The following SPATA16 variants were observed in gnomAD, a reference collection of about 807,000 sequenced individuals.
The protein encoded by SPATA16 is spermatogenesis-associated protein 16.
SPATA16 carries 36 observed loss-of-function variants against 63.3 expected under a neutral mutation model. The ratio of observed to expected loss-of-function variants is 0.57; its 90% CI spans 0.44 to 0.75. SPATA16 has a LOEUF of 0.75. Among genes scored for constraint, SPATA16 ranks in the 30% least tolerant of loss-of-function variants. The pLI is 0.00. For synonymous variants in SPATA16, 203 were observed against 216.7 expected (o/e 0.94, Z 0.56); for missense variants, 646 against 679.3 (o/e 0.95, Z 0.54).
At chr3:172,992,959 T>C (rs1734612819) in intron 4 of SPATA16, among the ~76,000 whole-genome samples, 1 of 152,110 alleles carries the variant, frequency 6.6e-6, no homozygotes, top group Non-Finnish European at 1.5e-5. Context: ...TCAAAGACAA[T>C]CTTTTGAGCA....
At chr3:172,957,999 A>ACACT in intron 5 of SPATA16, among the ~76,000 whole-genome samples, 1 of 149,374 alleles carries the variant, frequency 6.7e-6, no homozygotes, top group South Asian at 2.1e-4. Context: ...GACTAGCTTA[A>ACACT]AATTATGTAA....
intron 2 of SPATA16, among the ~76,000 whole-genome samples, chr3:173,072,214 C>G (rs1330482469): frequency 6.6e-6 from 1 of 152,116 alleles, no homozygotes; most frequent in African/African-American, 2.4e-5. Flanking sequence ...ACATGTATGT[C>G]GTGGAATATA....
At chr3:172,917,866 C>G (rs1046167595) in intron 8 of SPATA16, among the ~76,000 whole-genome samples, 1 of 152,204 alleles carries the variant, frequency 6.6e-6, no homozygotes, top group Non-Finnish European at 1.5e-5. Context: ...AGGCCACACT[C>G]GTATTCTGAC....
chr3:172,944,082 A>G (rs1733224261), intron 6 of SPATA16, among the ~76,000 whole-genome samples: 1 of 152,160 alleles, frequency 6.6e-6, no homozygotes, highest in Non-Finnish European at 1.5e-5. Flanking sequence ...AACCTATAGA[A>G]TGGGAGGAAA....
In SPATA16 at chr3:173,102,558, A is replaced by G. The variant is rs559925861; in HGVS notation, c.612+14562T>C. Among the ~76,000 whole-genome samples the G allele has an allele frequency of 1.2e-4, 19 of 152,126 alleles. No homozygotes were observed. In the South Asian group the frequency reaches 2.9e-3, roughly 23 times the overall value. ...TAGGGGAAGGTGTCACAAACTTTTA[A>G]ACAACGAGATCTCATGAGAACTCAC... On this transcript the variant is annotated intron_variant, in intron 2 of 10. Transcript: ENST00000351008.
At chr3:172,969,332 G>A (rs553971881) in intron 5 of SPATA16, among the ~76,000 whole-genome samples, 2 of 152,264 alleles carry the variant, frequency 1.3e-5, no homozygotes, top group East Asian at 3.9e-4. Context: ...TGCATTGTCA[G>A]GTAGGCAGGA....
chr3:172,943,697 G>A (rs544902166), intron 6 of SPATA16, among the ~76,000 whole-genome samples: 108 of 152,098 alleles, frequency 7.1e-4, no homozygotes, highest in Non-Finnish European at 1.3e-3. Context: ...CCAAGATTGC[G>A]CCATTGCACT....
At chr3:172,889,804 A>G in intron 10 of SPATA16, 112 bp from the exon 11 acceptor site, 1 of 1,433,882 alleles carries the variant, frequency 7.0e-7, no homozygotes, top group Non-Finnish European at 9.5e-7. Context: ...TCCATGTTGG[A>G]ACAGAACTGG....
chr3:173,062,941 G>A (rs947086442), intron 2 of SPATA16, among the ~76,000 whole-genome samples: 4 of 152,320 alleles, frequency 2.6e-5, no homozygotes, highest in Non-Finnish European at 5.9e-5. Context: ...CCGCTGATCT[G>A]ACAGGAGGCA....
chr3:172,975,202 C>T (rs1390184190), intron 5 of SPATA16, among the ~76,000 whole-genome samples: 4 of 151,980 alleles, frequency 2.6e-5, no homozygotes, highest in Non-Finnish European at 5.9e-5. Flanking sequence ...CACATGTGAG[C>T]GTAAAAACAG....
At chr3:173,066,987 C>CAG (rs35008574) in intron 2 of SPATA16, among the ~76,000 whole-genome samples, 63,119 of 151,552 alleles carry the variant, frequency 0.42, 14,508 homozygotes, top group African/African-American at 0.63. Flanking sequence ...AGAAATTAAA[C>CAG]AAATTCTGGA....
At chr3:173,103,365 TG>T (rs1419612946) in intron 2 of SPATA16, among the ~76,000 whole-genome samples, 1 of 152,250 alleles carries the variant, frequency 6.6e-6, no homozygotes, top group Non-Finnish European at 1.5e-5. Flanking sequence ...AGCATCTCTG[TG>T]GGGGCTCTGT....
At chr3:172,900,279 C>T (rs922939630) in intron 10 of SPATA16, among the ~76,000 whole-genome samples, 6 of 152,106 alleles carry the variant, frequency 3.9e-5, no homozygotes, top group African/African-American at 1.4e-4. Context: ...ATGAGAAAGC[C>T]ATTGTCATTT....
At chr3:172,967,721 G>A (rs1430214312) in intron 5 of SPATA16, among the ~76,000 whole-genome samples, 2 of 152,154 alleles carry the variant, frequency 1.3e-5, no homozygotes, top group Non-Finnish European at 2.9e-5. Context: ...ATTCTCATAG[G>A]AGCACGAACC....
chr3:173,018,057 G>A (rs1373748176), intron 4 of SPATA16, among the ~76,000 whole-genome samples: 2 of 152,110 alleles, frequency 1.3e-5, no homozygotes, highest in African/African-American at 4.8e-5. Context: ...AATAGTAGAG[G>A]GGGAAATATG....
At chr3:173,133,992 GA>G (rs71162331) in intron 1 of SPATA16, among the ~76,000 whole-genome samples, 4 of 151,516 alleles carry the variant, frequency 2.6e-5, no homozygotes, top group South Asian at 4.2e-4. Context: ...ATTTTATATG[GA>G]AAAAAAAGGG....
intron 4 of SPATA16, among the ~76,000 whole-genome samples, chr3:173,012,138 A>G (rs981361832): frequency 6.6e-6 from 1 of 152,212 alleles, no homozygotes; most frequent in African/African-American, 2.4e-5. Context: ...TTATACACCA[A>G]TAATGTTCAA....
intron 4 of SPATA16, among the ~76,000 whole-genome samples, chr3:172,983,075 T>C (rs1334477173): frequency 6.6e-6 from 1 of 152,192 alleles, no homozygotes; most frequent in East Asian, 1.9e-4. Flanking sequence ...TGAGAATCTA[T>C]TCCGTTTTAA....
intron 4 of SPATA16, among the ~76,000 whole-genome samples, chr3:172,990,912 A>G (rs16846382): frequency 0.04 from 6,142 of 152,216 alleles, 427 homozygotes; most frequent in African/African-American, 0.14. Context: ...TGGTCAAACC[A>G]TGCTTGACTA....
Sources: gnomAD v4.1 joint callset for allele counts (sites outside exome capture counted in the v4.1 genomes callset) on GRCh38, gnomAD v4.1.1 for gene constraint, MANE v1.5 for transcripts, NCBI Gene and HGNC (gene_info 2026-07-23, HGNC 2026-07-21) for gene names.